The following EPHA6 variants were observed in gnomAD, a reference collection of about 807,000 sequenced individuals.
EPHA6 encodes EPH receptor A6.
In EPHA6, 50 loss-of-function variants were observed where a neutral mutation model predicts 112.0. The ratio of observed to expected loss-of-function variants is 0.45; its 90% CI spans 0.36 to 0.56. The LOEUF is 0.56. Ranked by LOEUF, EPHA6 falls within the 20% of genes least tolerant of loss-of-function variation. The pLI is 0.00. For missense variants in EPHA6, 1,280 were observed against 1,417.4 expected (o/e 0.90, Z 1.56); for synonymous variants, 529 against 490.7 (o/e 1.08, Z -1.03).
chr3:97,694,514 G>C (rs2032898879), intron 14 of EPHA6, among the ~76,000 whole-genome samples: 1 of 152,148 alleles, frequency 6.6e-6, no homozygotes, highest in South Asian at 2.1e-4. Flanking sequence ...TGGGATTACA[G>C]GCGTGAGGCA....
intron 2 of EPHA6, among the ~76,000 whole-genome samples, chr3:96,939,857 T>C (rs920409670): frequency 6.6e-5 from 10 of 152,196 alleles, no homozygotes; most frequent in African/African-American, 2.4e-4. Context: ...CATTTTGTTA[T>C]GTACCCAGTA....
At chr3:97,535,218 C>T (rs902013803) in intron 11 of EPHA6, among the ~76,000 whole-genome samples, 2 of 152,012 alleles carry the variant, frequency 1.3e-5, no homozygotes, top group Non-Finnish European at 2.9e-5. Flanking sequence ...GATTGCTTTA[C>T]AACTCTAAGA....
At chr3:97,207,131 A>C (rs190139920) in intron 3 of EPHA6, among the ~76,000 whole-genome samples, 2 of 152,254 alleles carry the variant, frequency 1.3e-5, no homozygotes, top group African/African-American at 2.4e-5. Context: ...GGATACAGTA[A>C]AATGTTATGT....
intron 2 of EPHA6, among the ~76,000 whole-genome samples, chr3:96,889,997 T>C (rs953481531): frequency 6.6e-6 from 1 of 152,066 alleles, no homozygotes. Context: ...TGACCTCTTA[T>C]ACCTTATACA....
At chr3:96,816,115 A>G (rs2032760792) in intron 1 of EPHA6, among the ~76,000 whole-genome samples, 1 of 152,180 alleles carries the variant, frequency 6.6e-6, no homozygotes. Flanking sequence ...TTAAGGGAGA[A>G]GATAAACAAC....
chr3:97,233,395 C>G (rs545767776), intron 4 of EPHA6, among the ~76,000 whole-genome samples: 2 of 150,876 alleles, frequency 1.3e-5, no homozygotes, highest in African/African-American at 4.9e-5. Flanking sequence ...GGAAGAAGAT[C>G]AGAAAAATGA....
In EPHA6 at chr3:97,413,007, T is replaced by C. The variant is rs2087840810; in HGVS notation, c.1731+7733T>C. On this transcript the variant is annotated intron_variant, in intron 6 of 17. Coordinates refer to ENST00000389672, the MANE Select transcript of EPHA6 (RefSeq NM_001080448.3). Reference sequence around the variant, plus strand: ...TATTAGTATTTTTCTTTTCTTTGCTTTTCTTTTTTTTAAGAAAATGCCTTC... The same window carrying C: ...TATTAGTATTTTTCTTTTCTTTGCTCTTCTTTTTTTTAAGAAAATGCCTTC... Among the ~76,000 whole-genome samples, 3 of 151,958 alleles carry C rather than the reference T, an allele frequency of 2.0e-5. No individual in the cohort carries two copies. The South Asian group carries it at 6.2e-4, about 32-fold the overall frequency.
At chr3:97,191,587 C>T (rs2077307709) in intron 3 of EPHA6, among the ~76,000 whole-genome samples, 1 of 151,968 alleles carries the variant, frequency 6.6e-6, no homozygotes, top group African/African-American at 2.4e-5. Context: ...CTATCTGTGT[C>T]TGGCTTATCT....
At chr3:97,252,216 T>C (rs764980759) in intron 5 of EPHA6, among the ~76,000 whole-genome samples, 94 of 152,082 alleles carry the variant, frequency 6.2e-4, no homozygotes, top group Non-Finnish European at 9.7e-4. Context: ...GCACTCCCTC[T>C]GTACCAGGGA....
chr3:97,434,471 G>C (rs530681000), intron 6 of EPHA6, among the ~76,000 whole-genome samples: 1 of 152,038 alleles, frequency 6.6e-6, no homozygotes, highest in Non-Finnish European at 1.5e-5. Flanking sequence ...AAAGTCATAC[G>C]TCCTTCCAAA....
chr3:97,001,692 T>C (rs778642642), intron 3 of EPHA6, among the ~76,000 whole-genome samples: 35 of 152,142 alleles, frequency 2.3e-4, no homozygotes, highest in Non-Finnish European at 4.3e-4. Context: ...GTCTCAGTTT[T>C]ACAGGGAACT....
chr3:97,201,883 T>G (rs1367082215), intron 3 of EPHA6, among the ~76,000 whole-genome samples: 2 of 152,136 alleles, frequency 1.3e-5, no homozygotes, highest in Non-Finnish European at 2.9e-5. Flanking sequence ...GAATTAATGC[T>G]GGCACACAGG....
At chr3:97,565,852 A>G (rs2093257576) in intron 11 of EPHA6, among the ~76,000 whole-genome samples, 1 of 151,632 alleles carries the variant, frequency 6.6e-6, no homozygotes. Flanking sequence ...CCCCGTCTCT[A>G]CTAAAAATAC....
chr3:97,360,608 C>A (rs2084323790), intron 5 of EPHA6, among the ~76,000 whole-genome samples: 1 of 152,086 alleles, frequency 6.6e-6, no homozygotes, highest in Non-Finnish European at 1.5e-5. Flanking sequence ...GGGATGAAAT[C>A]ATATATCATT....
chr3:97,282,166 C>T (rs1202891955), intron 5 of EPHA6, among the ~76,000 whole-genome samples: 1 of 151,938 alleles, frequency 6.6e-6, no homozygotes, highest in Non-Finnish European at 1.5e-5. Context: ...AAGCTTTTTA[C>T]AATAGGAAAG....
chr3:97,582,416 G>C (rs1243033221), intron 11 of EPHA6, among the ~76,000 whole-genome samples: 3 of 152,048 alleles, frequency 2.0e-5, no homozygotes, highest in Non-Finnish European at 2.9e-5. Context: ...ATCTAAACTG[G>C]GAGGACTCGG....
chr3:97,678,192 A>T (rs2031564207), intron 14 of EPHA6, among the ~76,000 whole-genome samples: 1 of 152,142 alleles, frequency 6.6e-6, no homozygotes, highest in South Asian at 2.1e-4. Context: ...GTGTTTTAAG[A>T]TAGGATGTGG....
intron 14 of EPHA6, among the ~76,000 whole-genome samples, chr3:97,710,886 A>G (rs2033931280): frequency 6.6e-6 from 1 of 152,246 alleles, no homozygotes; most frequent in Non-Finnish European, 1.5e-5. Context: ...AGAGTTTGCA[A>G]ATACTACTAG....
At chr3:96,962,139 C>T (rs1193344521) in intron 2 of EPHA6, among the ~76,000 whole-genome samples, 1 of 143,492 alleles carries the variant, frequency 7.0e-6, no homozygotes, top group African/African-American at 3.0e-5. Context: ...AAACCTTCTG[C>T]AGTTTTGTTG....
Sources: allele counts gnomAD v4.1 joint callset (sites outside exome capture counted in the v4.1 genomes callset), GRCh38; gene constraint gnomAD v4.1.1; transcripts MANE v1.5; gene names NCBI Gene and HGNC (gene_info 2026-07-23, HGNC 2026-07-21).